The following DMC1 variants were observed in gnomAD, a reference collection of about 807,000 sequenced individuals.
DMC1 encodes the protein DNA meiotic recombinase 1, also known as meiotic recombination protein DMC1 homolog.
In DMC1, 27 loss-of-function variants were observed where a neutral mutation model predicts 50.1. The observed-to-expected ratio is 0.54, with a 90% confidence interval of 0.40 to 0.74. The LOEUF is 0.74. Among genes scored for constraint, DMC1 ranks in the 30% least tolerant of loss-of-function variants. The probability of loss-of-function intolerance (pLI) is 0.00; values close to 1 mark genes in which losing one functional copy is unlikely to be tolerated. For synonymous variants in DMC1, 148 were observed against 136.1 expected, an observed-to-expected ratio of 1.09 and a Z score of -0.61; for missense variants, 295 against 420.2, an observed-to-expected ratio of 0.70 and a Z score of 2.60.
At chr22:38,545,739 A>T (rs1433183434) in intron 8 of DMC1, 1 of 152,166 alleles carries the variant, frequency 6.6e-6, no homozygotes, top group African/African-American at 2.4e-5. Flanking sequence ...TTAAAATGAA[A>T]AAACTTGGGC....
chr22:38,561,464 G>C (rs1368840339), intron 5 of DMC1, among the ~76,000 whole-genome samples: 2 of 152,138 alleles, frequency 1.3e-5, no homozygotes, highest in Admixed American at 6.6e-5. Context: ...TAATGGGTTA[G>C]AGTTAGGGTG....
intron 7 of DMC1, 36 bp downstream of exon 7, chr22:38,552,630 A>G (rs1480381016): frequency 1.4e-6 from 2 of 1,404,910 alleles, no homozygotes; most frequent in South Asian, 1.2e-5. Flanking sequence ...AGTAATAGCC[A>G]TGATTATTAT....
chr22:38,521,744 T>A lies in DMC1; in HGVS notation c.837-20A>T. 1 of 1,531,544 alleles carries A rather than the reference T, an allele frequency of 6.5e-7. No individual in the cohort carries two copies. The allele number at this position is 1,531,544 out of a possible 1,614,324, so 94.9% of individuals were successfully genotyped here. On this transcript the variant is annotated intron_variant, in intron 12 of 13. Coordinates refer to ENST00000216024, the MANE Select transcript of DMC1 (RefSeq NM_007068.4). ...TGAAAGCTGAATTAATAAAATACTC[T>A]TTCAGGTTTCATCATATGGACTATA...
chr22:38,512,203 G>T, the DMC1 span, among the ~76,000 whole-genome samples: 1 of 152,092 alleles, frequency 6.6e-6, no homozygotes, highest in East Asian at 1.9e-4. Context: ...TCGAACTCCT[G>T]TCCTAAAGTG....
intron 6 of DMC1, among the ~76,000 whole-genome samples, chr22:38,553,322 C>A (rs1316481769): frequency 6.8e-6 from 1 of 147,244 alleles, no homozygotes; most frequent in Non-Finnish European, 1.5e-5. Context: ...CACTGTGTAA[C>A]CCCATCTCTA....
intron 8 of DMC1, among the ~76,000 whole-genome samples, chr22:38,544,150 T>A (rs2090316948): frequency 1.3e-5 from 2 of 152,206 alleles, no homozygotes; most frequent in South Asian, 4.1e-4. Flanking sequence ...AGGAAAAAAA[T>A]CTAATAATCT....
intron 3 of DMC1, 43 bp from the exon 4 acceptor site, chr22:38,566,779 G>T: frequency 6.3e-7 from 1 of 1,594,866 alleles, no homozygotes. Flanking sequence ...TAAGATGCCA[G>T]CCTGCAAGGC....
Position 38,521,665 on chromosome 22 carries a change from G to A in DMC1, c.896C>T (p.Thr299Ile), listed in dbSNP as rs1365569536. Residue 299 changes from threonine (T) to isoleucine (I), a missense_variant, in exon 13 of 14, where the codon ACA (threonine) becomes ATA (isoleucine). Transcript: ENST00000216024. The part of the protein sequence containing the change: ...GGHILAHAST[T>I]RISLRKGRGE... ...TCTTCCCTTTCGCAAGCTTATTCTTGTTGTTGAAGCATGAGCCAGAATGTG... is the reference window on the plus strand; with the variant it reads ...TCTTCCCTTTCGCAAGCTTATTCTTATTGTTGAAGCATGAGCCAGAATGTG... 6.2e-7 allele frequency: 1 copy of A among 1,612,596 alleles called. No homozygotes were observed. The highest frequency in any genetic ancestry group is 8.5e-7 in the Non-Finnish European group (1 of 1,179,660).
chr22:38,562,144 A>C (rs1332765892), intron 5 of DMC1, 143 bp downstream of exon 5: 10 of 622,774 alleles, frequency 1.6e-5, no homozygotes, highest in Non-Finnish European at 2.5e-5. Flanking sequence ...TTCAGTTATC[A>C]TTTAGAAAAA....
chr22:38,539,484 A>T (rs1398452634), intron 8 of DMC1, 72 bp from the exon 9 acceptor site: 3 of 1,152,834 alleles, frequency 2.6e-6, no homozygotes, highest in Non-Finnish European at 3.9e-6. Flanking sequence ...ACAAAACATA[A>T]TATCTTCCGT....
At chr22:38,565,229 C>T (rs1162433260) in intron 4 of DMC1, among the ~76,000 whole-genome samples, 2 of 151,612 alleles carry the variant, frequency 1.3e-5, no homozygotes, top group African/African-American at 4.8e-5. Flanking sequence ...CCCTCACAGT[C>T]AGTGGGCCCT....
At chr22:38,535,405 C>G (rs191438356) in intron 12 of DMC1, among the ~76,000 whole-genome samples, 1 of 140,408 alleles carries the variant, frequency 7.1e-6, no homozygotes, top group Non-Finnish European at 1.6e-5. Flanking sequence ...GGTGTATGTA[C>G]ACCTCCACAC....
the DMC1 span, among the ~76,000 whole-genome samples, chr22:38,513,692 C>T: frequency 1.3e-5 from 2 of 152,188 alleles, no homozygotes; most frequent in Non-Finnish European, 2.9e-5. Context: ...ATTTTCTTGC[C>T]TCAGCCTCCT....
At chr22:38,530,361 T>A (rs1451799755) in intron 12 of DMC1, among the ~76,000 whole-genome samples, 1 of 151,888 alleles carries the variant, frequency 6.6e-6, no homozygotes, top group Non-Finnish European at 1.5e-5. Flanking sequence ...AAAAAGGGTA[T>A]GTTTAAGAAG....
chr22:38,533,714 A>G (rs1301491264), intron 12 of DMC1, among the ~76,000 whole-genome samples: 2 of 152,226 alleles, frequency 1.3e-5, no homozygotes, highest in African/African-American at 4.8e-5. Flanking sequence ...ATATAAATGC[A>G]TGAAAGCTTA....
rs769244998 is a variant in DMC1 at position 38,518,970 on chromosome 22, ATTTG to A, written c.*1046_*1049del. The A allele has an allele frequency of 3.1e-4, 47 of 152,590 alleles. No homozygotes were observed. The highest frequency in any genetic ancestry group is 4.8e-4 in the African/African-American group (20 of 41,518). 9.5% of individuals were successfully genotyped at this position (152,590 alleles called of 1,614,324 possible). A position where few individuals can be genotyped will look rare whatever the true frequency, so the allele number is the denominator to read the frequency against. On this transcript the variant is annotated 3_prime_UTR_variant, in exon 14 of 14. Transcript: ENST00000216024. The stretch of plus-strand genomic sequence containing the variant: ...ACATGCATTTTGAAAACAGGATTTT[ATTTG>A]TTTAACAATCAAAATAATATCTTTT...
chr22:38,561,562 G>A (rs1244000026), intron 5 of DMC1, among the ~76,000 whole-genome samples: 1 of 152,178 alleles, frequency 6.6e-6, no homozygotes, highest in Non-Finnish European at 1.5e-5. Context: ...GGGAGACTTT[G>A]GGAGAAGCAG....
chr22:38,539,405 C>G lies in DMC1; in HGVS notation c.502G>C (p.Asp168His), dbSNP rs1219588647. 6.2e-7 allele frequency: 1 copy of G among 1,613,686 alleles called. No homozygotes were observed. Among genetic ancestry groups the G allele is most frequent in the African/African-American group, 1.3e-5 (1 of 74,918 alleles). ...CGATCAGCAATGTCCCTAAGGCGAT[C>G]TGGACGGCTGGAGTATGCCAAGATT... ...FIDTENTFRP[D>H]RLRDIADRFN... The change falls in exon 9 of 14, where the codon GAT (aspartate) becomes CAT (histidine). Residue 168 changes from aspartate to histidine, a missense_variant. Physicochemically the swap from Asp to His is moderately conservative, Grantham distance 81. Transcript: ENST00000216024.
At chr22:38,518,696 A>G (rs988365775), downstream of DMC1, among the ~76,000 whole-genome samples, 5 of 151,750 alleles carry the variant, frequency 3.3e-5, no homozygotes, top group African/African-American at 9.7e-5. Flanking sequence ...ACGCCTGGCT[A>G]ATTTTTTTGT....
Sources: allele counts gnomAD v4.1 joint callset (sites outside exome capture counted in the v4.1 genomes callset), GRCh38; gene constraint gnomAD v4.1.1; transcripts MANE v1.5; gene names NCBI Gene and HGNC (gene_info 2026-07-23, HGNC 2026-07-21).